Variants in UNC5C observed in about 807,000 individuals in gnomAD.
UNC5C encodes the protein unc-5 netrin receptor C.
UNC5C carries 47 observed loss-of-function variants against 99.8 expected under a neutral mutation model. The observed-to-expected ratio is 0.47, with a 90% CI of 0.37 to 0.60. The LOEUF (loss-of-function observed/expected upper bound fraction) is 0.60, where lower values mean the gene tolerates loss of function less well. Ranked by LOEUF, UNC5C falls within the 20% of genes least tolerant of loss-of-function variation. UNC5C has a pLI of 0.00. For synonymous variants in UNC5C, 487 were observed against 452.2 expected, an observed-to-expected ratio of 1.08 and a Z score of -0.98; for missense variants, 1,062 against 1,165.9, an observed-to-expected ratio of 0.91 and a Z score of 1.30.
rs554612387 is a variant in UNC5C at position 95,211,626 on chromosome 4, T to C, written c.1733+4498A>G. The stretch of plus-strand genomic sequence containing the variant: ...GATCTTGTAACTTAACACATTCCCT[T>C]CTTGAAAGGCTTAGAAATAGTAAAT... On this transcript the variant is annotated intron_variant, in intron 10 of 15. Coordinates refer to ENST00000453304, the MANE Select transcript of UNC5C (RefSeq NM_003728.4). 1.1e-4 allele frequency among the ~76,000 whole-genome samples: 16 copies of C among 152,342 alleles called. No individual in the cohort carries two copies. The South Asian group carries it at 2.9e-3, about 28-fold the overall frequency.
chr4:95,539,204 T>C (rs1196123705), intron 1 of UNC5C, among the ~76,000 whole-genome samples: 1 of 152,182 alleles, frequency 6.6e-6, no homozygotes, highest in African/African-American at 2.4e-5. Flanking sequence ...GTGCACTGCA[T>C]GCATAAAAGT....
At chr4:95,175,572 C>G (rs1056169013) in intron 14 of UNC5C, among the ~76,000 whole-genome samples, 1 of 152,136 alleles carries the variant, frequency 6.6e-6, no homozygotes, top group Non-Finnish European at 1.5e-5. Flanking sequence ...AATATTGGCC[C>G]CCACTCCCTT....
chr4:95,484,956 TG>T (rs1233778137), intron 1 of UNC5C, among the ~76,000 whole-genome samples: 2 of 152,028 alleles, frequency 1.3e-5, no homozygotes, highest in Admixed American at 1.3e-4. Context: ...TTTGTATCCT[TG>T]GTTAAAACAA....
At chr4:95,409,616 G>A (rs1371585333) in intron 1 of UNC5C, among the ~76,000 whole-genome samples, 3 of 152,030 alleles carry the variant, frequency 2.0e-5, no homozygotes, top group Non-Finnish European at 4.4e-5. Context: ...ACTTAGTGAA[G>A]GTGGGCACAA....
intron 13 of UNC5C, among the ~76,000 whole-genome samples, chr4:95,183,917 C>T (rs1736719623): frequency 6.6e-6 from 1 of 152,164 alleles, no homozygotes; most frequent in South Asian, 2.1e-4. Flanking sequence ...ATGAGCTAAA[C>T]CAATGTATGA....
intron 12 of UNC5C, among the ~76,000 whole-genome samples, chr4:95,191,076 C>G (rs914625268): frequency 2.0e-5 from 3 of 152,148 alleles, no homozygotes; most frequent in Non-Finnish European, 4.4e-5. Context: ...CCAGAATGCT[C>G]CCAGGCTCTT....
At chr4:95,392,280 C>T (rs1745384430) in intron 1 of UNC5C, among the ~76,000 whole-genome samples, 1 of 151,284 alleles carries the variant, frequency 6.6e-6, no homozygotes, top group South Asian at 2.1e-4. Context: ...TTCTGTGAGT[C>T]AATAGAAAAT....
intron 6 of UNC5C, among the ~76,000 whole-genome samples, chr4:95,243,947 A>G (rs1034054793): frequency 1.3e-5 from 2 of 152,190 alleles, no homozygotes; most frequent in Admixed American, 6.6e-5. Flanking sequence ...TAAGTGTCAA[A>G]ATTTGTTTCA....
intron 1 of UNC5C, among the ~76,000 whole-genome samples, chr4:95,463,643 A>T (rs1418097405): frequency 6.6e-6 from 1 of 152,200 alleles, no homozygotes; most frequent in Non-Finnish European, 1.5e-5. Context: ...GTATCAAAAT[A>T]GTAGGGTATT....
At chr4:95,323,395 G>T (rs1037119212) in intron 2 of UNC5C, among the ~76,000 whole-genome samples, 3 of 152,138 alleles carry the variant, frequency 2.0e-5, no homozygotes, top group African/African-American at 4.8e-5. Context: ...AAGAGGACAG[G>T]ATGTGAACAA....
chr4:95,288,232 G>A (rs994370721), intron 3 of UNC5C, among the ~76,000 whole-genome samples: 14 of 151,904 alleles, frequency 9.2e-5, no homozygotes, highest in Admixed American at 5.9e-4. Flanking sequence ...ACAGGCACCC[G>A]CCACCATGCC....
intron 1 of UNC5C, among the ~76,000 whole-genome samples, chr4:95,359,142 T>C (rs1188198436): frequency 6.6e-6 from 1 of 152,154 alleles, no homozygotes; most frequent in Non-Finnish European, 1.5e-5. Context: ...AAGAATTAAG[T>C]AGCTAGTATC....
At chr4:95,460,623 C>T (rs980511804) in intron 1 of UNC5C, among the ~76,000 whole-genome samples, 4 of 152,140 alleles carry the variant, frequency 2.6e-5, no homozygotes, top group Non-Finnish European at 5.9e-5. Flanking sequence ...TCTTCTGCCA[C>T]GATTGTGAGG....
chr4:95,506,646 C>T (rs888052206), intron 1 of UNC5C, among the ~76,000 whole-genome samples: 1 of 151,776 alleles, frequency 6.6e-6, no homozygotes, highest in Non-Finnish European at 1.5e-5. Context: ...TGTAGTCAGC[C>T]CAGACAGATG....
intron 1 of UNC5C, among the ~76,000 whole-genome samples, chr4:95,487,362 T>C (rs1383828414): frequency 6.6e-6 from 1 of 151,682 alleles, no homozygotes; most frequent in East Asian, 2.0e-4. Flanking sequence ...GCATATTCTC[T>C]AAGGCTCTAT....
intron 12 of UNC5C, among the ~76,000 whole-genome samples, chr4:95,196,767 T>C (rs1230854547): frequency 2.3e-5 from 1 of 43,006 alleles, no homozygotes; most frequent in African/African-American, 1.0e-4. Context: ...ATATATATTA[T>C]ATTTATGTAA....
At chr4:95,231,636 T>C (rs1036538197) in intron 7 of UNC5C, among the ~76,000 whole-genome samples, 2 of 152,160 alleles carry the variant, frequency 1.3e-5, no homozygotes, top group African/African-American at 2.4e-5. Flanking sequence ...CAATTACATT[T>C]GTTCTGATGC....
chr4:95,177,756 C>A (rs1736429524), intron 14 of UNC5C, among the ~76,000 whole-genome samples: 1 of 152,100 alleles, frequency 6.6e-6, no homozygotes, highest in African/African-American at 2.4e-5. Flanking sequence ...GGCTGGAGTG[C>A]CATGGTGTGA....
At chr4:95,311,625 T>C (rs999542329) in intron 2 of UNC5C, among the ~76,000 whole-genome samples, 2 of 152,216 alleles carry the variant, frequency 1.3e-5, no homozygotes, top group Admixed American at 1.3e-4. Flanking sequence ...TAGTTAACTA[T>C]ACACTTGTGA....
Sources: gnomAD v4.1 joint callset for allele counts (sites outside exome capture counted in the v4.1 genomes callset) on GRCh38, gnomAD v4.1.1 for gene constraint, MANE v1.5 for transcripts, NCBI Gene and HGNC (gene_info 2026-07-23, HGNC 2026-07-21) for gene names.